Variants in RGS12 observed in about 807,000 individuals in gnomAD.
RGS12 encodes the protein regulator of G protein signaling 12, also known as regulator of G-protein signaling 12.
RGS12 carries 66 observed loss-of-function variants against 120.1 expected under a neutral mutation model. The observed-to-expected ratio is 0.55, with a 90% CI of 0.45 to 0.67. RGS12 has a LOEUF of 0.67. Ranked by LOEUF, RGS12 falls within the 30% of genes least tolerant of loss-of-function variation. The pLI is 0.00. For missense variants in RGS12, 1,859 were observed against 1,957.7 expected, an observed-to-expected ratio of 0.95 and a Z score of 0.95; for synonymous variants, 827 against 804.7, an observed-to-expected ratio of 1.03 and a Z score of -0.47.
chr4:3,428,780 A>G, intron 16 of RGS12, 69 bp downstream of exon 16: 1 of 1,367,806 alleles, frequency 7.3e-7, no homozygotes, highest in East Asian at 2.3e-5. Context: ...TAGTCAGTAG[A>G]TCTGCTTTGA....
chr4:3,343,016 A>G lies in RGS12; in HGVS notation c.1961A>G (p.Lys654Arg). Residue 654 changes from lysine to arginine, a missense_variant, in exon 3 of 18, where the codon AAG (lysine) becomes AGG (arginine). Transcript: ENST00000336727. ...TSARRSFGRS[K>R]RFSITRSLDD... ...GCTCGGAGATCATTTGGGAGATCCA[A>G]GAGATTCAGTATCACTCGCTCCCTT... 1.2e-6 allele frequency: 2 copies of G among 1,613,512 alleles called. No homozygotes were observed. Among genetic ancestry groups the G allele is most frequent in the African/African-American group, 1.3e-5 (1 of 75,040 alleles).
At chr4:3,329,604 C>T (rs917336701) in intron 2 of RGS12, among the ~76,000 whole-genome samples, 2 of 142,426 alleles carry the variant, frequency 1.4e-5, no homozygotes, top group East Asian at 1.9e-4. Context: ...GGGAACAGTG[C>T]GGCGCACCCG....
rs116341050 is a variant in RGS12, at chr4:3,375,003, C to T, written c.1999-11413C>T. On this transcript the variant is annotated intron_variant, in intron 3 of 17. Coordinates refer to ENST00000336727, the MANE Select transcript of RGS12 (RefSeq NM_001394154.1). ...AGTGAGTGGGAGCGTTCTCAGCTTG[C>T]GTTTGCCATGCACCGCCTGTCCCTG... Among the ~76,000 whole-genome samples the T allele has an allele frequency of 2.6e-3, 399 of 152,308 alleles. 1 individual carries two copies. The highest frequency in any genetic ancestry group is 4.7e-3 in the Non-Finnish European group (318 of 68,028).
chr4:3,304,226 G>C (rs1470693941), intron 1 of RGS12, among the ~76,000 whole-genome samples: 1 of 152,074 alleles, frequency 6.6e-6, no homozygotes, highest in Admixed American at 6.5e-5. Context: ...TGCTGACCTG[G>C]GACATTTTAT....
chr4:3,320,804 G>T (rs149164766), intron 2 of RGS12, among the ~76,000 whole-genome samples: 1 of 152,124 alleles, frequency 6.6e-6, no homozygotes, highest in Non-Finnish European at 1.5e-5. Context: ...TCCGGACGTC[G>T]CCGTGGACAG....
At chr4:3,318,709 A>G (rs770615809) in intron 2 of RGS12, among the ~76,000 whole-genome samples, 11 of 152,208 alleles carry the variant, frequency 7.2e-5, no homozygotes, top group African/African-American at 9.6e-5. Context: ...GTAAATGAGC[A>G]AAGCTGGGAA....
intron 1 of RGS12, among the ~76,000 whole-genome samples, chr4:3,310,168 T>C (rs55842981): frequency 0.17 from 749 of 4,488 alleles, no homozygotes; most frequent in Middle Eastern, 0.5. Context: ...TGAGGGGAAC[T>C]GTGTTGAGGA....
Position 3,420,842 on chromosome 4 carries a change from G to A in RGS12, c.2838+124G>A, listed in dbSNP as rs139884601. On this transcript the variant is annotated intron_variant, in intron 10 of 17. Transcript: ENST00000336727. ...CAGCGTTCACTTTGTAAAGCTGGGG[G>A]ACAAGGCTCGGGTGCCGGCCCAGGC... The A allele has an allele frequency of 7.3e-3, 6,570 of 894,050 alleles. 42 individuals are homozygous for A. Among genetic ancestry groups the A allele is most frequent in the Admixed American group, 0.011 (438 of 40,134 alleles). The allele number at this position is 894,050 out of a possible 1,614,324, so 55.4% of individuals were successfully genotyped here.
At chr4:3,427,206 G>A (rs1261969160) in intron 14 of RGS12, among the ~76,000 whole-genome samples, 3 of 152,226 alleles carry the variant, frequency 2.0e-5, no homozygotes, top group Non-Finnish European at 4.4e-5. Flanking sequence ...CCAGCAGGGC[G>A]GCCAGCAGCT....
intron 3 of RGS12, among the ~76,000 whole-genome samples, chr4:3,376,349 C>A (rs1169856416): frequency 6.6e-6 from 1 of 152,180 alleles, no homozygotes; most frequent in African/African-American, 2.4e-5. Flanking sequence ...GCCCTCCCCG[C>A]AGACCGTGGT....
At chr4:3,408,937 A>G (rs1577063357) in intron 4 of RGS12, among the ~76,000 whole-genome samples, 3 of 152,262 alleles carry the variant, frequency 2.0e-5, no homozygotes, top group Admixed American at 1.3e-4. Context: ...TCTCACCCCC[A>G]GCAGTGCTGG....
Position 3,317,358 on chromosome 4 carries a change from G to C in RGS12, c.1188G>C (p.Leu396=). 1 of 1,614,154 alleles carries C rather than the reference G, an allele frequency of 6.2e-7. No homozygotes were observed. Among genetic ancestry groups the C allele is most frequent in the Non-Finnish European group, 8.5e-7 (1 of 1,180,042 alleles). The part of the protein sequence containing the change: ...ISVLYRDMGE[L]IEGMRARAFL... The stretch of plus-strand genomic sequence containing the variant: ...TCCTGTACCGAGACATGGGTGAGCT[G>C]ATTGAGGGCATGCGGGCCCGCGCCT... Residue 396 remains leucine (L), a synonymous_variant, in exon 2 of 18, where the codon CTG becomes CTC. Coordinates refer to ENST00000336727, the MANE Select transcript of RGS12 (RefSeq NM_001394154.1).
chr4:3,296,017 GC>G (rs1723360462), intron 1 of RGS12, among the ~76,000 whole-genome samples: 1 of 152,196 alleles, frequency 6.6e-6, no homozygotes, highest in Non-Finnish European at 1.5e-5. Context: ...CTGTTGGCCC[GC>G]CCCAGTCAGC....
intron 4 of RGS12, among the ~76,000 whole-genome samples, chr4:3,396,405 T>C (rs1020546162): frequency 4.6e-5 from 7 of 152,246 alleles, no homozygotes; most frequent in African/African-American, 1.7e-4. Flanking sequence ...TGTTTTGTTT[T>C]ATCTTCAATA....
At chr4:3,396,828 CAT>C (rs574709831) in intron 4 of RGS12, among the ~76,000 whole-genome samples, 25 of 152,144 alleles carry the variant, frequency 1.6e-4, no homozygotes, top group Middle Eastern at 3.4e-3. Flanking sequence ...CTGGTTGAGA[CAT>C]AGCATTTCTG....
chr4:3,414,482 C>T (rs928810807), intron 5 of RGS12: 2 of 597,864 alleles, frequency 3.3e-6, no homozygotes, highest in Non-Finnish European at 5.9e-6. Context: ...ACTGGGGTCT[C>T]TCTGCAGCCC....
At chr4:3,408,091 G>A (rs1250899447) in intron 4 of RGS12, among the ~76,000 whole-genome samples, 1 of 152,216 alleles carries the variant, frequency 6.6e-6, no homozygotes, top group African/African-American at 2.4e-5. Flanking sequence ...ACAAGTGTGG[G>A]TTTGACTCAC....
chr4:3,305,337 C>T (rs1723912142), intron 1 of RGS12, among the ~76,000 whole-genome samples: 1 of 152,198 alleles, frequency 6.6e-6, no homozygotes, highest in Admixed American at 6.5e-5. Flanking sequence ...TGGGGGCCAT[C>T]TCAGAGACCA....
At position 3,312,280 on chromosome 4, in the gene RGS12, T is replaced by A. The variant is rs184048608; in HGVS notation, c.-101-3790T>A. On this transcript the variant is annotated intron_variant, in intron 1 of 17. Coordinates refer to ENST00000336727, the MANE Select transcript of RGS12 (RefSeq NM_001394154.1). ...CTATAAGCTGAACTTATGTGATTAT[T>A]TTGGGAGGCCAAGGTGGGAGGATTG... Among the ~76,000 whole-genome samples, 262 of 152,336 alleles carry A rather than the reference T, an allele frequency of 1.7e-3. 2 individuals carry two copies. Among genetic ancestry groups the A allele is most frequent in the Non-Finnish European group, 1.5e-3 (104 of 68,036 alleles).
Sources: allele counts gnomAD v4.1 joint callset (sites outside exome capture counted in the v4.1 genomes callset), GRCh38; gene constraint gnomAD v4.1.1; transcripts MANE v1.5; gene names NCBI Gene and HGNC (gene_info 2026-07-23, HGNC 2026-07-21).